The following B3GALT1 variants were observed in gnomAD, a reference collection of about 807,000 sequenced individuals.
The protein encoded by B3GALT1 is UDP-Gal:betaGlcNAc beta 1,3-galactosyltransferase, polypeptide 1.
Under a neutral mutation model 23.2 loss-of-function variants are expected in B3GALT1, and 10 were observed. The ratio of observed to expected loss-of-function variants is 0.43; its 90% CI spans 0.27 to 0.73. The LOEUF is 0.73. B3GALT1 is among the 30% of genes least tolerant of loss of function. The pLI is 0.21. For missense variants in B3GALT1, 299 were observed against 405.4 expected, an observed-to-expected ratio of 0.74 and a Z score of 2.25; for synonymous variants, 156 against 141.5, an observed-to-expected ratio of 1.10 and a Z score of -0.73.
At chr2:167,332,735 G>C (rs1696993070) in intron 1 of B3GALT1, among the ~76,000 whole-genome samples, 1 of 152,214 alleles carries the variant, frequency 6.6e-6, no homozygotes, top group African/African-American at 2.4e-5. Context: ...CATGTTGGCA[G>C]ATTTTTGCCA....
At chr2:167,565,858 C>A (rs1684152898) in intron 2 of B3GALT1, among the ~76,000 whole-genome samples, 1 of 151,904 alleles carries the variant, frequency 6.6e-6, no homozygotes, top group East Asian at 1.9e-4. Context: ...ACAACAGGTG[C>A]TGGAGAGGAT....
intron 2 of B3GALT1, among the ~76,000 whole-genome samples, chr2:167,587,932 T>C (rs149687432): frequency 3.2e-4 from 49 of 152,354 alleles, no homozygotes; most frequent in African/African-American, 1.1e-3. Context: ...TCAGGTTCCG[T>C]AGCTTGTGGA....
intron 3 of B3GALT1, among the ~76,000 whole-genome samples, chr2:167,729,677 T>C (rs1208538406): frequency 6.6e-6 from 1 of 152,170 alleles, no homozygotes; most frequent in Non-Finnish European, 1.5e-5. Context: ...ATTTTAATGA[T>C]ACATTTCTAT....
intron 3 of B3GALT1, among the ~76,000 whole-genome samples, chr2:167,658,564 A>C (rs1685997110): frequency 6.6e-6 from 1 of 152,038 alleles, no homozygotes; most frequent in African/African-American, 2.4e-5. Context: ...TGGTATCCTG[A>C]GATTAGTATT....
chr2:167,324,895 C>G (rs537897997), intron 1 of B3GALT1, among the ~76,000 whole-genome samples: 1 of 152,122 alleles, frequency 6.6e-6, no homozygotes, highest in Non-Finnish European at 1.5e-5. Context: ...TTCTCAGCCT[C>G]TGGTATCTCT....
intron 3 of B3GALT1, among the ~76,000 whole-genome samples, chr2:167,768,961 A>G (rs929715280): frequency 6.6e-6 from 1 of 152,204 alleles, no homozygotes; most frequent in Non-Finnish European, 1.5e-5. Context: ...ATTGCTTAAG[A>G]GGATCCTAGT....
At position 167,413,994 on chromosome 2, in the gene B3GALT1, G is replaced by T. The variant is rs554501205; in HGVS notation, c.-510-76183G>T. ...TATTTAATATATCAGTATTGTAAAGGAAAGCAGATATGTTTCCTTTCTCTA... is the reference window on the plus strand; with the variant it reads ...TATTTAATATATCAGTATTGTAAAGTAAAGCAGATATGTTTCCTTTCTCTA... On this transcript the variant is annotated intron_variant, in intron 1 of 4. Coordinates refer to ENST00000392690, the MANE Select transcript of B3GALT1 (RefSeq NM_020981.4). 2.3e-3 allele frequency among the ~76,000 whole-genome samples: 352 copies of T among 152,192 alleles called. 1 individual carries two copies. Among genetic ancestry groups the T allele is most frequent in the Admixed American group, 5.7e-3 (87 of 15,290 alleles).
chr2:167,720,936 G>A (rs543713445), intron 3 of B3GALT1, among the ~76,000 whole-genome samples: 74 of 152,266 alleles, frequency 4.9e-4, no homozygotes, highest in Non-Finnish European at 8.7e-4. Flanking sequence ...TCTCACATGA[G>A]CCATCCTATG....
chr2:167,732,389 A>C (rs1333143162), intron 3 of B3GALT1, among the ~76,000 whole-genome samples: 2 of 152,226 alleles, frequency 1.3e-5, no homozygotes, highest in Non-Finnish European at 2.9e-5. Flanking sequence ...GTTTGGATTC[A>C]CAGTGGTCAC....
chr2:167,468,926 A>G (rs909200612), intron 1 of B3GALT1, among the ~76,000 whole-genome samples: 3 of 152,336 alleles, frequency 2.0e-5, no homozygotes, highest in African/African-American at 7.2e-5. Context: ...AAAATCAGGC[A>G]TAAGGCAAGA....
At chr2:167,306,827 T>G (rs1696559635) in intron 1 of B3GALT1, among the ~76,000 whole-genome samples, 1 of 152,030 alleles carries the variant, frequency 6.6e-6, no homozygotes, top group Admixed American at 6.6e-5. Flanking sequence ...TAACACTCTT[T>G]GCCCTGCTCA....
intron 1 of B3GALT1, among the ~76,000 whole-genome samples, chr2:167,410,375 C>T (rs1698371651): frequency 6.6e-6 from 1 of 151,834 alleles, no homozygotes; most frequent in Admixed American, 6.6e-5. Flanking sequence ...CCTGTAGTCA[C>T]AGCTACTCGG....
intron 3 of B3GALT1, among the ~76,000 whole-genome samples, chr2:167,775,985 A>G (rs13010092): frequency 6.7e-6 from 1 of 150,224 alleles, no homozygotes; most frequent in Non-Finnish European, 1.5e-5. Context: ...ACAACAAACA[A>G]CCAAATACAG....
intron 2 of B3GALT1, among the ~76,000 whole-genome samples, chr2:167,598,576 C>T (rs1395052389): frequency 6.6e-6 from 1 of 152,110 alleles, no homozygotes; most frequent in African/African-American, 2.4e-5. Flanking sequence ...CTATTATAGG[C>T]TCAAATATAG....
chr2:167,647,735 C>T (rs770032284), intron 3 of B3GALT1, among the ~76,000 whole-genome samples: 25 of 152,162 alleles, frequency 1.6e-4, no homozygotes, highest in Admixed American at 1.1e-3. Flanking sequence ...TTCCCAGTCA[C>T]TCAATTTTTT....
chr2:167,782,403 G>A (rs1574259938), intron 3 of B3GALT1, among the ~76,000 whole-genome samples: 4 of 152,230 alleles, frequency 2.6e-5, no homozygotes, highest in Admixed American at 2.6e-4. Flanking sequence ...CCCAGCAAAG[G>A]GGCCAGGAGT....
At chr2:167,485,733 GC>G (rs1280278389) in intron 1 of B3GALT1, among the ~76,000 whole-genome samples, 3 of 152,160 alleles carry the variant, frequency 2.0e-5, no homozygotes, top group African/African-American at 7.2e-5. Context: ...TTAAAGATAA[GC>G]CGTAAATTTG....
intron 2 of B3GALT1, among the ~76,000 whole-genome samples, chr2:167,560,888 A>G (rs917342555): frequency 6.6e-6 from 1 of 151,936 alleles, no homozygotes; most frequent in African/African-American, 2.4e-5. Context: ...TCAACATTAG[A>G]CAGATCAACG....
chr2:167,459,533 G>A (rs1699224695), intron 1 of B3GALT1, among the ~76,000 whole-genome samples: 1 of 152,056 alleles, frequency 6.6e-6, no homozygotes, highest in Non-Finnish European at 1.5e-5. Flanking sequence ...AACAAAATGT[G>A]GAGTTACAAA....
Sources: allele counts gnomAD v4.1 joint callset (sites outside exome capture counted in the v4.1 genomes callset), GRCh38; gene constraint gnomAD v4.1.1; transcripts MANE v1.5; gene names NCBI Gene and HGNC (gene_info 2026-07-23, HGNC 2026-07-21).